Variants in TSPAN18 observed in about 807,000 individuals in gnomAD.
TSPAN18 encodes tetraspanin 18.
In TSPAN18, 14 loss-of-function variants were observed where a neutral mutation model predicts 27.3. That is an observed-to-expected ratio of 0.51 (90% confidence interval 0.34 to 0.80). The LOEUF (loss-of-function observed/expected upper bound fraction) is 0.80. Ranked by LOEUF, TSPAN18 falls within the 30% of genes least tolerant of loss-of-function variation. TSPAN18 has a pLI of 0.01. For missense variants in TSPAN18, 268 were observed against 323.9 expected (o/e 0.83, Z 1.32); for synonymous variants, 143 against 136.5 (o/e 1.05, Z -0.33).
intron 2 of TSPAN18, among the ~76,000 whole-genome samples, chr11:44,811,061 A>C (rs1856702535): frequency 6.6e-6 from 1 of 151,806 alleles, no homozygotes; most frequent in Admixed American, 6.6e-5. Flanking sequence ...AAACAATAGC[A>C]GGCTTCCTTT....
At chr11:44,833,652 T>C (rs1213093910) in intron 2 of TSPAN18, among the ~76,000 whole-genome samples, 1 of 152,166 alleles carries the variant, frequency 6.6e-6, no homozygotes, top group Non-Finnish European at 1.5e-5. Flanking sequence ...TGGATCACTG[T>C]TAACCCAGAA....
chr11:44,899,048 C>G (rs1193237882), intron 3 of TSPAN18, among the ~76,000 whole-genome samples: 2 of 152,170 alleles, frequency 1.3e-5, no homozygotes, highest in Non-Finnish European at 2.9e-5. Flanking sequence ...ACAGGATCCA[C>G]AGAGCAGATC....
intron 2 of TSPAN18, among the ~76,000 whole-genome samples, chr11:44,851,466 G>C (rs2135189058): frequency 6.6e-6 from 1 of 152,294 alleles, no homozygotes; most frequent in East Asian, 1.9e-4. Flanking sequence ...GTCTCCATCA[G>C]CTTCTGGAGA....
At chr11:44,764,252 A>T (rs567869336) in intron 1 of TSPAN18, among the ~76,000 whole-genome samples, 174 bp from the exon 2 acceptor site, 1 of 152,128 alleles carries the variant, frequency 6.6e-6, no homozygotes, top group Non-Finnish European at 1.5e-5. Context: ...TTGAGATTTG[A>T]TGGGGACACA....
chr11:44,771,623 C>A (rs912968435), intron 2 of TSPAN18, among the ~76,000 whole-genome samples: 4 of 152,108 alleles, frequency 2.6e-5, no homozygotes, highest in African/African-American at 9.7e-5. Flanking sequence ...GGATATACAA[C>A]CCTCTGTATC....
intron 7 of TSPAN18, 132 bp from the exon 8 acceptor site, chr11:44,919,682 CAGT>C: frequency 1.2e-6 from 1 of 851,302 alleles, no homozygotes; most frequent in Non-Finnish European, 1.9e-6. Flanking sequence ...CATGGTCACA[CAGT>C]GGTGACAGGT....
At chr11:44,865,223 C>T (rs747668295) in intron 3 of TSPAN18, among the ~76,000 whole-genome samples, 27 of 152,146 alleles carry the variant, frequency 1.8e-4, no homozygotes, top group Non-Finnish European at 3.5e-4. Context: ...AGCTTGCAAA[C>T]GCCAGCTCTG....
intron 8 of TSPAN18, among the ~76,000 whole-genome samples, chr11:44,920,638 G>A (rs1455811587): frequency 6.6e-6 from 1 of 152,104 alleles, no homozygotes; most frequent in African/African-American, 2.4e-5. Context: ...TCTTCCCACT[G>A]ACCAGCCCCC....
chr11:44,805,292 C>T (rs1046218221), intron 2 of TSPAN18, among the ~76,000 whole-genome samples: 5 of 152,158 alleles, frequency 3.3e-5, no homozygotes, highest in African/African-American at 7.2e-5. Flanking sequence ...CCAGGGAGAA[C>T]GTACAGAGGG....
chr11:44,868,735 T>A (rs1026811837), intron 3 of TSPAN18, among the ~76,000 whole-genome samples: 1 of 152,086 alleles, frequency 6.6e-6, no homozygotes, highest in Admixed American at 6.5e-5. Context: ...TCCTGAGTCC[T>A]TGGGGCGGGC....
At chr11:44,777,217 A>G (rs10501308) in intron 2 of TSPAN18, among the ~76,000 whole-genome samples, 8,412 of 152,176 alleles carry the variant, frequency 0.055, 465 homozygotes, top group East Asian at 0.16. Context: ...CATTTCTAGC[A>G]TCTCAAGAGG....
chr11:44,806,044 T>TA (rs1309935147), intron 2 of TSPAN18, among the ~76,000 whole-genome samples: 1 of 149,706 alleles, frequency 6.7e-6, no homozygotes, highest in African/African-American at 2.4e-5. Flanking sequence ...TTTTTTCCTT[T>TA]TTTTTTTTTT....
At chr11:44,903,326 A>T in intron 3 of TSPAN18, 1 of 433,242 alleles carries the variant, frequency 2.3e-6, no homozygotes, top group South Asian at 1.7e-5. Context: ...CAGCATGAGC[A>T]GAGGCACCAA....
chr11:44,903,028 C>T (rs969048136), intron 3 of TSPAN18, among the ~76,000 whole-genome samples: 1 of 152,154 alleles, frequency 6.6e-6, no homozygotes, highest in African/African-American at 2.4e-5. Context: ...CAAGTGCAAC[C>T]CTACTGTGTC....
At chr11:44,824,199 C>T (rs1320329409) in intron 2 of TSPAN18, among the ~76,000 whole-genome samples, 7 of 152,346 alleles carry the variant, frequency 4.6e-5, no homozygotes, top group African/African-American at 1.4e-4. Context: ...ATTTCCCCTC[C>T]GCTAGGGAAG....
intron 2 of TSPAN18, among the ~76,000 whole-genome samples, chr11:44,782,387 C>T (rs975373635): frequency 1.3e-5 from 2 of 151,760 alleles, no homozygotes; most frequent in African/African-American, 4.8e-5. Flanking sequence ...ACTAAAAATA[C>T]AAAAAATTAG....
Position 44,875,413 on chromosome 11 carries a change from C to T in TSPAN18, c.-11+14944C>T, listed in dbSNP as rs539271253. Among the ~76,000 whole-genome samples the T allele has an allele frequency of 3.3e-5, 5 of 152,328 alleles. 1 individual carries two copies. Among genetic ancestry groups the T allele is most frequent in the African/African-American group, 1.2e-4 (5 of 41,576 alleles). ...CTGGGAGCAAGTCTGGGCCTTGGGGCTTCGGAGGCTAGGGGCTGCCGAGGG... is the reference window on the plus strand; with the variant it reads ...CTGGGAGCAAGTCTGGGCCTTGGGGTTTCGGAGGCTAGGGGCTGCCGAGGG... On this transcript the variant is annotated intron_variant, in intron 3 of 9. Coordinates refer to ENST00000520358, the MANE Select transcript of TSPAN18 (RefSeq NM_130783.5).
Position 44,909,723 on chromosome 11 carries a change from C to G in TSPAN18, c.82C>G (p.Leu28Val). ...FFIFLGGACL[L>V]AIGIWVMVDP... ...CGAGCAGCTGGGCGGGGCCTGCCTG[C>G]TGGCCATCGGCATCTGGGTCATGGT... The change falls in exon 5 of 10, where the codon CTG becomes GTG. Residue 28 changes from leucine (L) to valine (V), a missense_variant. By Grantham distance (32) the Leu-to-Val change is conservative. Coordinates refer to ENST00000520358, the MANE Select transcript of TSPAN18 (RefSeq NM_130783.5). 1 of 1,611,594 alleles carries G rather than the reference C, an allele frequency of 6.2e-7. No homozygotes were observed. Among genetic ancestry groups the G allele is most frequent in the Non-Finnish European group, 8.5e-7 (1 of 1,179,670 alleles).
At chr11:44,924,097 T>TTGTGTGTGTGTGTGTGTGTGTG (rs57394106) in intron 8 of TSPAN18, among the ~76,000 whole-genome samples, 3 of 145,774 alleles carry the variant, frequency 2.1e-5, no homozygotes, top group Admixed American at 2.0e-4. Context: ...CCTTCTGGGG[T>TTGTGTGTGTGTGTGTGTGTGTG]TGTGTGTGTG....
Sources: gnomAD v4.1 joint callset for allele counts (sites outside exome capture counted in the v4.1 genomes callset) on GRCh38, gnomAD v4.1.1 for gene constraint, MANE v1.5 for transcripts, NCBI Gene and HGNC (gene_info 2026-07-23, HGNC 2026-07-21) for gene names.